Variants in NCKAP5 observed in about 807,000 individuals in gnomAD.
NCKAP5 encodes the protein nck-associated protein 5.
In NCKAP5, 92 loss-of-function variants were observed where a neutral mutation model predicts 167.0. The ratio of observed to expected loss-of-function variants is 0.55; its 90% CI spans 0.47 to 0.66. The LOEUF is 0.66. Ranked by LOEUF, NCKAP5 falls within the 30% of genes least tolerant of loss-of-function variation. The pLI, the probability that NCKAP5 is intolerant of heterozygous loss-of-function variation, is 0.00. For missense variants in NCKAP5, 2,378 were observed against 2,315.0 expected (o/e 1.03, Z -0.56); for synonymous variants, 891 against 877.4 (o/e 1.02, Z -0.27).
At chr2:133,129,705 GCCA>G (rs2082532094) in intron 6 of NCKAP5, among the ~76,000 whole-genome samples, 1 of 152,206 alleles carries the variant, frequency 6.6e-6, no homozygotes, top group Non-Finnish European at 1.5e-5. Context: ...TGGCTGCAAA[GCCA>G]CCACAACTCA....
chr2:133,654,997 A>T, the NCKAP5 span, among the ~76,000 whole-genome samples: 13,211 of 152,270 alleles, frequency 0.087, 673 homozygotes, highest in African/African-American at 0.12. Context: ...CTTCAATTAT[A>T]GGCAAACATT....
intron 4 of NCKAP5, chr2:133,265,015 G>C (rs1375407262): frequency 6.6e-6 from 1 of 152,248 alleles, no homozygotes; most frequent in Non-Finnish European, 1.5e-5. Flanking sequence ...GACCAATTCT[G>C]TGTCTTAGGA....
At chr2:133,421,667 A>G (rs1202035951) in intron 3 of NCKAP5, among the ~76,000 whole-genome samples, 2 of 152,180 alleles carry the variant, frequency 1.3e-5, no homozygotes, top group African/African-American at 4.8e-5. Context: ...CCAGGATCCA[A>G]ATCTTACCTC....
At position 133,120,519 on chromosome 2, in the gene NCKAP5, C is replaced by T. The variant is rs191494708; in HGVS notation, c.341+9459G>A. Among the ~76,000 whole-genome samples the T allele has an allele frequency of 3.6e-3, 549 of 152,060 alleles. 11 individuals are homozygous for T. Among genetic ancestry groups the T allele is most frequent in the Non-Finnish European group, 8.4e-4 (57 of 68,016 alleles). On this transcript the variant is annotated intron_variant, in intron 6 of 19. Coordinates refer to ENST00000409261, the MANE Select transcript of NCKAP5 (RefSeq NM_207363.3). ...GCTGCCTCTGCCTCTGCCCCATATG[C>T]AAACCTTAGAGAGATTGGTATAAAT...
chr2:133,623,016 T>C, the NCKAP5 span, among the ~76,000 whole-genome samples: 1 of 152,168 alleles, frequency 6.6e-6, no homozygotes, highest in Non-Finnish European at 1.5e-5. Flanking sequence ...AGCCAACTGA[T>C]CTTTGACAAA....
At chr2:133,476,991 C>A (rs1344361452) in intron 3 of NCKAP5, among the ~76,000 whole-genome samples, 2 of 152,182 alleles carry the variant, frequency 1.3e-5, no homozygotes, top group African/African-American at 4.8e-5. Flanking sequence ...CAGAACCAAG[C>A]CTGCAGAGGT....
At chr2:133,243,016 G>T (rs902636108) in intron 4 of NCKAP5, among the ~76,000 whole-genome samples, 10 of 152,138 alleles carry the variant, frequency 6.6e-5, no homozygotes, top group Non-Finnish European at 1.2e-4. Flanking sequence ...CATTTTAAGT[G>T]TTTGGTGTTT....
rs568707105 is a variant in NCKAP5, at chr2:132,808,449, G to T, written c.808-11720C>A. Among the ~76,000 whole-genome samples, 82 of 152,176 alleles carry T rather than the reference G, an allele frequency of 5.4e-4. 2 individuals are homozygous for T. In the South Asian group the frequency reaches 0.017, roughly 31 times the overall value. On this transcript the variant is annotated intron_variant, in intron 11 of 19. Transcript: ENST00000409261. ...AGTTCAATCTCACTGCTTGTTAATG[G>T]TCTGTTCAGGGTATCTAATTCTTTC...
chr2:133,075,197 T>G (rs766107521), intron 6 of NCKAP5, among the ~76,000 whole-genome samples: 22 of 152,200 alleles, frequency 1.4e-4, no homozygotes, highest in African/African-American at 2.7e-4. Flanking sequence ...GAGGTCAGAA[T>G]AGTAAAACGG....
chr2:133,388,980 T>A (rs575697025), intron 3 of NCKAP5, among the ~76,000 whole-genome samples: 1 of 152,332 alleles, frequency 6.6e-6, no homozygotes, highest in Non-Finnish European at 1.5e-5. Flanking sequence ...CCCTTTGCGC[T>A]TCCCAGGTGA....
At chr2:132,975,416 T>C (rs1267454992) in intron 7 of NCKAP5, among the ~76,000 whole-genome samples, 1 of 152,204 alleles carries the variant, frequency 6.6e-6, no homozygotes, top group Non-Finnish European at 1.5e-5. Flanking sequence ...CCGATTGTCT[T>C]CCATATTGAA....
At chr2:133,369,627 CA>C (rs1366316720) in intron 3 of NCKAP5, among the ~76,000 whole-genome samples, 3 of 152,090 alleles carry the variant, frequency 2.0e-5, no homozygotes, top group African/African-American at 7.2e-5. Flanking sequence ...ATAGCAAACA[CA>C]GGGGGATTAA....
At chr2:133,012,964 T>A (rs1043607726) in intron 6 of NCKAP5, among the ~76,000 whole-genome samples, 1 of 152,174 alleles carries the variant, frequency 6.6e-6, no homozygotes, top group Non-Finnish European at 1.5e-5. Context: ...CTGCCTTCTC[T>A]CGTCTTTCTT....
chr2:133,319,249 C>A (rs1239290268), intron 3 of NCKAP5, among the ~76,000 whole-genome samples: 1 of 140,794 alleles, frequency 7.1e-6, no homozygotes, highest in Non-Finnish European at 1.5e-5. Flanking sequence ...TTCAAGGTTT[C>A]TTTTCAAAAT....
chr2:133,642,382 G>C, the NCKAP5 span, among the ~76,000 whole-genome samples: 3 of 152,220 alleles, frequency 2.0e-5, no homozygotes, highest in African/African-American at 4.8e-5. Flanking sequence ...TTTATTAGTA[G>C]ATCAGCCCAA....
intron 4 of NCKAP5, among the ~76,000 whole-genome samples, chr2:133,302,819 A>ATAAC (rs1231907651): frequency 2.0e-5 from 3 of 151,926 alleles, no homozygotes; most frequent in Admixed American, 6.6e-5. Context: ...AAATAAATAA[A>ATAAC]TAAATAAATC....
chr2:133,052,347 G>C (rs1173054279), intron 6 of NCKAP5, among the ~76,000 whole-genome samples: 1 of 152,142 alleles, frequency 6.6e-6, no homozygotes, highest in Admixed American at 6.5e-5. Context: ...ATGAATGCAG[G>C]GATAAAGGGT....
chr2:133,012,741 CCT>C (rs2078204594), intron 6 of NCKAP5, among the ~76,000 whole-genome samples: 2 of 152,116 alleles, frequency 1.3e-5, no homozygotes, highest in African/African-American at 4.8e-5. Context: ...TGGCCACACC[CCT>C]GTTTAGGATC....
intron 6 of NCKAP5, among the ~76,000 whole-genome samples, chr2:133,090,789 G>A (rs1559129622): frequency 6.6e-6 from 1 of 151,912 alleles, no homozygotes; most frequent in Non-Finnish European, 1.5e-5. Context: ...TGGAGACTTG[G>A]CGGGGGAAAT....
Sources: gnomAD v4.1 joint callset for allele counts (sites outside exome capture counted in the v4.1 genomes callset) on GRCh38, gnomAD v4.1.1 for gene constraint, MANE v1.5 for transcripts, NCBI Gene and HGNC (gene_info 2026-07-23, HGNC 2026-07-21) for gene names.